UST: variants seen among roughly 807,000 people sequenced by gnomAD.
The protein encoded by UST is uronyl 2-sulfotransferase, also known as chondroitin sulfate 2-O-sulfotransferase.
A neutral mutation model predicts 45.6 loss-of-function variants in UST; 21 were observed. The ratio of observed to expected loss-of-function variants is 0.46; its 90% confidence interval spans 0.33 to 0.66. The LOEUF is 0.66. Ranked by LOEUF, UST falls within the 30% of genes least tolerant of loss-of-function variation. The pLI is 0.02. For synonymous variants in UST, 215 were observed against 200.6 expected (o/e 1.07, Z -0.61); for missense variants, 463 against 512.4 (o/e 0.90, Z 0.93).
intron 1 of UST, among the ~76,000 whole-genome samples, chr6:148,879,933 T>A (rs1778790454): frequency 7.3e-6 from 1 of 137,670 alleles, no homozygotes; most frequent in South Asian, 2.2e-4. Context: ...ATCTGACTTT[T>A]CTTTTTTCTT....
At chr6:148,787,312 A>G (rs540148868) in intron 1 of UST, among the ~76,000 whole-genome samples, 10 of 152,214 alleles carry the variant, frequency 6.6e-5, no homozygotes, top group African/African-American at 2.4e-4. Flanking sequence ...TAGGTTTTTT[A>G]TAGTTTTGGG....
chr6:148,930,443 C>G (rs1385387364), intron 2 of UST, among the ~76,000 whole-genome samples: 1 of 152,120 alleles, frequency 6.6e-6, no homozygotes, highest in Non-Finnish European at 1.5e-5. Flanking sequence ...CAGCAGTCAA[C>G]CAATTTCTTA....
chr6:149,024,159 G>GGGT (rs1776019215), intron 7 of UST, among the ~76,000 whole-genome samples: 1 of 152,180 alleles, frequency 6.6e-6, no homozygotes, highest in African/African-American at 2.4e-5. Flanking sequence ...ACGGCCTTCA[G>GGGT]GGTGCACCTG....
At chr6:149,051,855 G>T (rs1776492707) in intron 7 of UST, among the ~76,000 whole-genome samples, 1 of 152,162 alleles carries the variant, frequency 6.6e-6, no homozygotes, top group African/African-American at 2.4e-5. Context: ...CAGGCAAGAA[G>T]ATATAGTAGA....
chr6:148,977,620 C>T (rs988818776), intron 5 of UST, among the ~76,000 whole-genome samples: 3 of 151,806 alleles, frequency 2.0e-5, no homozygotes, highest in African/African-American at 4.8e-5. Context: ...GACGAGGTGG[C>T]GGGTGCCAGT....
chr6:148,771,331 A>T (rs1002422693), intron 1 of UST, among the ~76,000 whole-genome samples: 2 of 152,176 alleles, frequency 1.3e-5, no homozygotes, highest in African/African-American at 4.8e-5. Flanking sequence ...CATTTTACCT[A>T]AAGTCGCATA....
intron 1 of UST, among the ~76,000 whole-genome samples, chr6:148,802,266 C>T (rs1777069583): frequency 6.6e-6 from 1 of 152,184 alleles, no homozygotes; most frequent in Non-Finnish European, 1.5e-5. Flanking sequence ...AATGCTTCCC[C>T]CCAACCCCAA....
intron 2 of UST, among the ~76,000 whole-genome samples, chr6:148,925,297 C>T (rs534303904): frequency 5.0e-4 from 76 of 152,266 alleles, no homozygotes; most frequent in African/African-American, 1.8e-3. Context: ...TAAGGTGCTT[C>T]CAGCAATCTG....
chr6:148,896,205 G>T (rs1779126035), intron 2 of UST, among the ~76,000 whole-genome samples: 1 of 152,202 alleles, frequency 6.6e-6, no homozygotes, highest in Non-Finnish European at 1.5e-5. Context: ...GTCTCCTTTG[G>T]TTAGCATCAC....
intron 5 of UST, among the ~76,000 whole-genome samples, chr6:148,967,440 G>A (rs1780825318): frequency 6.6e-6 from 1 of 152,172 alleles, no homozygotes; most frequent in Non-Finnish European, 1.5e-5. Flanking sequence ...AGGATAGTTT[G>A]TTTATTTGGA....
chr6:149,056,126 T>TTTC (rs1776561868), intron 7 of UST, among the ~76,000 whole-genome samples: 2 of 109,694 alleles, frequency 1.8e-5, no homozygotes, highest in South Asian at 6.3e-4. Flanking sequence ...TCTTTTTTTT[T>TTTC]TTTTTTTTTT....
In UST at chr6:148,747,340, T is replaced by C; in HGVS notation, c.-91T>C. 2 of 1,338,118 alleles carry C rather than the reference T, an allele frequency of 1.5e-6. No homozygotes were observed. The highest frequency in any genetic ancestry group is 1.5e-5 in the African/African-American group (1 of 64,764). 82.9% of individuals were successfully genotyped at this position (1,338,118 alleles called of 1,614,324 possible). A position where few individuals can be genotyped will look rare whatever the true frequency, so the allele number is the denominator to read the frequency against. The stretch of plus-strand genomic sequence containing the variant: ...GCTGCCCTCCGCGCGGCCCTCCCCA[T>C]GTGCAGCCGGCCAGCCGGGCTCTCC... On this transcript the variant is annotated 5_prime_UTR_variant, in exon 1 of 8. The change abolishes an upstream ATG in the 5' untranslated region. Coordinates refer to ENST00000367463, the MANE Select transcript of UST (RefSeq NM_005715.3).
intron 5 of UST, among the ~76,000 whole-genome samples, chr6:149,014,196 A>G (rs1775861302): frequency 6.6e-6 from 1 of 152,220 alleles, no homozygotes; most frequent in Non-Finnish European, 1.5e-5. Flanking sequence ...TCTCATCTCT[A>G]GAGCAAGCCC....
At chr6:148,824,571 G>A (rs567857419) in intron 1 of UST, among the ~76,000 whole-genome samples, 87 of 152,198 alleles carry the variant, frequency 5.7e-4, no homozygotes, top group African/African-American at 2.0e-3. Context: ...ATACATTGAA[G>A]AGGTGTGAGC....
intron 1 of UST, among the ~76,000 whole-genome samples, chr6:148,761,158 C>G (rs1038415666): frequency 6.6e-6 from 1 of 152,212 alleles, no homozygotes; most frequent in African/African-American, 2.4e-5. Flanking sequence ...GGCTGGAACC[C>G]TGCTTCAGCT....
Position 149,019,092 on chromosome 6 carries a change from C to A in UST, c.682-47C>A, listed in dbSNP as rs367847614. On this transcript the variant is annotated intron_variant, in intron 5 of 7. Transcript: ENST00000367463. ...TTAAACTGTGTGGCATTTGATAGAG[C>A]CTTGCAGAGACTACAAGACATCTGA... 3.7e-5 allele frequency: 50 copies of A among 1,363,392 alleles called. No homozygotes were observed. The South Asian group carries it at 5.1e-4, about 14-fold the overall frequency. 84.5% of individuals were successfully genotyped at this position (1,363,392 alleles called of 1,614,324 possible).
At chr6:148,831,967 A>T (rs1777696645) in intron 1 of UST, among the ~76,000 whole-genome samples, 1 of 152,196 alleles carries the variant, frequency 6.6e-6, no homozygotes, top group African/African-American at 2.4e-5. Flanking sequence ...TAATACTTGT[A>T]AATACATTTG....
At chr6:148,804,365 G>A (rs764035193) in intron 1 of UST, among the ~76,000 whole-genome samples, 10 of 152,154 alleles carry the variant, frequency 6.6e-5, no homozygotes, top group Non-Finnish European at 1.2e-4. Flanking sequence ...CATATCCCCT[G>A]TTGTCTGTCT....
chr6:149,032,222 G>A (rs1020121922), intron 7 of UST, among the ~76,000 whole-genome samples: 3 of 152,028 alleles, frequency 2.0e-5, no homozygotes, highest in African/African-American at 2.4e-5. Flanking sequence ...CCCTCCCCCC[G>A]TTTCCCTGCC....
Sources: allele counts gnomAD v4.1 joint callset (sites outside exome capture counted in the v4.1 genomes callset), GRCh38; gene constraint gnomAD v4.1.1; transcripts MANE v1.5; gene names NCBI Gene and HGNC (gene_info 2026-07-23, HGNC 2026-07-21).